The following CNOT4 variants were observed in gnomAD, a reference collection of about 807,000 sequenced individuals.
CNOT4 encodes CCR4-NOT transcription complex subunit 4.
CNOT4 carries 8 observed loss-of-function variants against 73.8 expected under a neutral mutation model. The observed-to-expected ratio is 0.11, with a 90% CI of 0.06 to 0.20. CNOT4 has a LOEUF of 0.20. Ranked by LOEUF, CNOT4 falls within the 10% of genes least tolerant of loss-of-function variation. The pLI, the probability that CNOT4 is intolerant of heterozygous loss-of-function variation, is 1.00. For synonymous variants in CNOT4, 293 were observed against 321.1 expected (o/e 0.91, Z 0.94); for missense variants, 564 against 883.4 (o/e 0.64, Z 4.58).
In CNOT4 at chr7:135,395,608, T is replaced by C; in HGVS notation, c.1129+26A>G. On this transcript the variant is annotated intron_variant, in intron 9 of 11. Transcript: ENST00000541284. ...AACAATACGTTAAGAGCATAATTAC[T>C]AATACTTGGTACTATTGTTATATAC... 1.9e-6 allele frequency: 3 copies of C among 1,599,152 alleles called. 1 individual carries two copies. The highest frequency in any genetic ancestry group is 2.2e-5 in the South Asian group (2 of 89,708).
chr7:135,504,011 T>C (rs1390696492), intron 1 of CNOT4, among the ~76,000 whole-genome samples: 1 of 152,214 alleles, frequency 6.6e-6, no homozygotes, highest in Non-Finnish European at 1.5e-5. Context: ...CAGCCAATGT[T>C]ATTTTAGAAA....
At chr7:135,483,393 T>C (rs1360080716) in intron 1 of CNOT4, among the ~76,000 whole-genome samples, 7 of 151,522 alleles carry the variant, frequency 4.6e-5, no homozygotes, top group Non-Finnish European at 1.0e-4. Context: ...CACAACCAAA[T>C]GGGATTTATT....
chr7:135,369,176 A>G (rs968785991), intron 10 of CNOT4, among the ~76,000 whole-genome samples: 1 of 152,220 alleles, frequency 6.6e-6, no homozygotes, highest in African/African-American at 2.4e-5. Context: ...TCTGCTGCTA[A>G]AAGGGTAAAG....
intron 3 of CNOT4, among the ~76,000 whole-genome samples, chr7:135,416,612 T>C (rs533238560): frequency 2.6e-5 from 4 of 152,162 alleles, no homozygotes; most frequent in Admixed American, 2.0e-4. Flanking sequence ...CTGCATTCAA[T>C]ATTCCAGCTG....
intron 1 of CNOT4, among the ~76,000 whole-genome samples, chr7:135,475,218 C>T (rs2129486957): frequency 6.6e-6 from 1 of 152,252 alleles, no homozygotes; most frequent in East Asian, 1.9e-4. Context: ...AACACAAAGG[C>T]TCCAGAACAA....
At chr7:135,449,092 A>G (rs919909434) in intron 1 of CNOT4, among the ~76,000 whole-genome samples, 6 of 152,220 alleles carry the variant, frequency 3.9e-5, no homozygotes, top group African/African-American at 1.4e-4. Flanking sequence ...AACACAGATG[A>G]ATCTCCCAAA....
At chr7:135,427,751 A>C (rs1348853880) in intron 2 of CNOT4, among the ~76,000 whole-genome samples, 1 of 151,998 alleles carries the variant, frequency 6.6e-6, no homozygotes, top group Non-Finnish European at 1.5e-5. Context: ...CATGAAAAAT[A>C]CAACATAAAA....
intron 1 of CNOT4, among the ~76,000 whole-genome samples, chr7:135,460,905 C>G (rs1800836229): frequency 6.6e-6 from 1 of 152,202 alleles, no homozygotes; most frequent in Non-Finnish European, 1.5e-5. Flanking sequence ...AAATTTTTTT[C>G]TGCAAGGGCC....
Position 135,481,007 on chromosome 7 carries a change from A to C in CNOT4, c.-93+28882T>G, listed in dbSNP as rs181786707. ...AAATATAAAACTGGAAAAAAAAAAA[A>C]CACATCAAGACATTGGTCTAAGCAA... On this transcript the variant is annotated intron_variant, in intron 1 of 11. Transcript: ENST00000541284. 4.4e-3 allele frequency among the ~76,000 whole-genome samples: 673 copies of C among 151,468 alleles called. 9 individuals carry two copies. The highest frequency in any genetic ancestry group is 0.016 in the African/African-American group (646 of 41,328).
In CNOT4 at chr7:135,426,398, C is replaced by T. The variant is rs547621672; in HGVS notation, c.175-4045G>A. On this transcript the variant is annotated intron_variant, in intron 2 of 11. Transcript: ENST00000541284. ...CGGGCGGACCACAAGGTCAGGAAAT[C>T]GAGACCATCCTGGCTAACACGGTGA... Among the ~76,000 whole-genome samples, 11 of 151,740 alleles carry T rather than the reference C, an allele frequency of 7.2e-5. No homozygotes were observed. The East Asian group carries it at 1.6e-3, about 21-fold the overall frequency.
At chr7:135,397,355 T>C (rs1402937152) in intron 8 of CNOT4, among the ~76,000 whole-genome samples, 1 of 152,148 alleles carries the variant, frequency 6.6e-6, no homozygotes, top group Admixed American at 6.5e-5. Flanking sequence ...TGCTGGAAAT[T>C]ACATCCTTTG....
At chr7:135,451,840 T>C (rs895554983) in intron 1 of CNOT4, among the ~76,000 whole-genome samples, 1 of 152,218 alleles carries the variant, frequency 6.6e-6, no homozygotes, top group Non-Finnish European at 1.5e-5. Flanking sequence ...TATTAAACTT[T>C]GAATCCTTTG....
In CNOT4 at chr7:135,496,461, C is replaced by T. The variant is rs892888817; in HGVS notation, c.-93+13428G>A. Among the ~76,000 whole-genome samples the T allele has an allele frequency of 2.0e-5, 3 of 152,290 alleles. No homozygotes were observed. The East Asian group carries it at 5.8e-4, about 29-fold the overall frequency. On this transcript the variant is annotated intron_variant, in intron 1 of 11. Coordinates refer to ENST00000541284, the MANE Select transcript of CNOT4 (RefSeq NM_001190850.2). The stretch of plus-strand genomic sequence containing the variant: ...CCTCCCTGCAATCTGATTTATATTA[C>T]CATTCTTAGTGTACTCAGTGGTCAG...
rs545344720 is a variant in CNOT4 at position 135,408,857 on chromosome 7, T to C, written c.821+1658A>G. 8.5e-5 allele frequency among the ~76,000 whole-genome samples: 13 copies of C among 152,298 alleles called. 1 individual carries two copies. The South Asian group carries it at 2.1e-3, about 24-fold the overall frequency. On this transcript the variant is annotated intron_variant, in intron 7 of 11. Transcript: ENST00000541284. ...AACAATACTGAATGAAATGATGTTA[T>C]TGGAGGGCATGCTGTACACAAATCA...
intron 1 of CNOT4, 24 bp from the exon 2 acceptor site, chr7:135,438,447 A>T: frequency 1.2e-5 from 9 of 734,850 alleles, no homozygotes; most frequent in Non-Finnish European, 1.8e-5. Flanking sequence ...AACAAAATAC[A>T]TTGTTTACTA....
intron 1 of CNOT4, among the ~76,000 whole-genome samples, chr7:135,468,055 AAT>A (rs1344982204): frequency 5.3e-5 from 8 of 151,904 alleles, no homozygotes; most frequent in African/African-American, 1.9e-4. Flanking sequence ...CTCTACTAAA[AAT>A]ACAAAAAAAT....
intron 1 of CNOT4, among the ~76,000 whole-genome samples, chr7:135,450,882 A>C (rs1389067671): frequency 6.6e-6 from 1 of 152,116 alleles, no homozygotes; most frequent in Non-Finnish European, 1.5e-5. Context: ...ACTTGAACCC[A>C]GGAGGCAGAG....
intron 2 of CNOT4, among the ~76,000 whole-genome samples, chr7:135,424,916 T>C (rs887409992): frequency 1.1e-4 from 16 of 152,240 alleles, no homozygotes; most frequent in African/African-American, 3.6e-4. Context: ...GGATTGCTCC[T>C]AGTTTTGTTT....
chr7:135,378,620 G>A (rs1440435772), intron 10 of CNOT4, among the ~76,000 whole-genome samples: 1 of 152,096 alleles, frequency 6.6e-6, no homozygotes, highest in African/African-American at 2.4e-5. Context: ...AGGGTCTGCT[G>A]TCTCTGGTAA....
Sources: gnomAD v4.1 joint callset for allele counts (sites outside exome capture counted in the v4.1 genomes callset) on GRCh38, gnomAD v4.1.1 for gene constraint, MANE v1.5 for transcripts, NCBI Gene and HGNC (gene_info 2026-07-23, HGNC 2026-07-21) for gene names.